The following RFTN1 variants were observed in gnomAD, a reference collection of about 807,000 sequenced individuals.
The protein encoded by RFTN1 is raftlin.
Under a neutral mutation model 46.5 loss-of-function variants are expected in RFTN1, and 26 were observed. The ratio of observed to expected loss-of-function variants is 0.56; its 90% CI spans 0.41 to 0.78. The LOEUF is 0.78. Among genes scored for constraint, RFTN1 ranks in the 30% least tolerant of loss-of-function variants. The probability of loss-of-function intolerance (pLI) is 0.00; values close to 1 mark genes in which losing one functional copy is unlikely to be tolerated. For synonymous variants in RFTN1, 261 were observed against 284.2 expected (o/e 0.92, Z 0.82); for missense variants, 693 against 718.7 (o/e 0.96, Z 0.41).
At chr3:16,444,117 G>A (rs1392841535) in intron 2 of RFTN1, among the ~76,000 whole-genome samples, 5 of 152,176 alleles carry the variant, frequency 3.3e-5, no homozygotes, top group Non-Finnish European at 7.3e-5. Context: ...AATCGGTAAC[G>A]AAACTCATCC....
intron 4 of RFTN1, among the ~76,000 whole-genome samples, chr3:16,401,364 CTAAAG>C (rs1012504590): frequency 6.6e-6 from 1 of 151,498 alleles, no homozygotes; most frequent in Non-Finnish European, 1.5e-5. Context: ...CTCAAATCTC[CTAAAG>C]TAAACTGCTC....
intron 8 of RFTN1, 42 bp downstream of exon 8, chr3:16,326,731 G>T: frequency 2.1e-6 from 3 of 1,430,514 alleles, no homozygotes; most frequent in East Asian, 2.3e-5. Context: ...CTAGCACAGA[G>T]TAAGTGTTCA....
intron 3 of RFTN1, among the ~76,000 whole-genome samples, chr3:16,423,567 A>G (rs748127305): frequency 6.6e-6 from 1 of 152,186 alleles, no homozygotes; most frequent in South Asian, 2.1e-4. Flanking sequence ...CATTTCCTTC[A>G]TCTTGGCTTA....
rs1483256067 is a variant in RFTN1 at position 16,409,424 on chromosome 3, G to A, written c.392C>T (p.Ser131Phe). The change falls in exon 4 of 10, where the codon TCC becomes TTC. Residue 131 changes from serine (S) to phenylalanine (F), a missense_variant. Physicochemically the swap from Ser to Phe is radical, Grantham distance 155. Coordinates refer to ENST00000334133, the MANE Select transcript of RFTN1 (RefSeq NM_015150.2). ...TTTCTGGTCTGTCGGGTGGTCTAAG[G>A]AGGAACAGCAATCTAATTCCAAGAT... is the stretch of plus-strand genomic sequence containing the variant. ...GYILELDCCS[S>F]LDHPTDQKLI... 19 of 1,613,750 alleles carry A rather than the reference G, an allele frequency of 1.2e-5. No homozygotes were observed. Among genetic ancestry groups the A allele is most frequent in the East Asian group, 1.1e-4 (5 of 44,880 alleles).
intron 4 of RFTN1, among the ~76,000 whole-genome samples, chr3:16,391,871 T>TTTTTTTTC (rs2074351987): frequency 6.2e-5 from 1 of 16,092 alleles, no homozygotes; most frequent in Non-Finnish European, 1.5e-4. Flanking sequence ...TTTTTTTTGT[T>TTTTTTTTC]TTTTTTTTTT....
intron 2 of RFTN1, among the ~76,000 whole-genome samples, chr3:16,454,110 T>A (rs1459851824): frequency 1.3e-5 from 2 of 152,344 alleles, no homozygotes; most frequent in South Asian, 4.1e-4. Flanking sequence ...GCTGCCACTG[T>A]AACCAGGTCT....
At position 16,459,902 on chromosome 3, in the gene RFTN1, T is replaced by C. The variant is rs1390127411; in HGVS notation, c.146-25865A>G. On this transcript the variant is annotated intron_variant, in intron 2 of 9. Transcript: ENST00000334133. The surrounding 1 kb of genome is among the most constrained non-coding windows in gnomAD (Gnocchi z 4.2). The stretch of plus-strand genomic sequence containing the variant: ...TCCTATAACTTTTAGTTATTTGACA[T>C]TTGCAAACTAAACTGGAAAACTAAG... Among the ~76,000 whole-genome samples, 3 of 152,200 alleles carry C rather than the reference T, an allele frequency of 2.0e-5. No homozygotes were observed. Among genetic ancestry groups the C allele is most frequent in the Non-Finnish European group, 4.4e-5 (3 of 68,042 alleles).
chr3:16,487,663 T>C (rs769697235), intron 2 of RFTN1, among the ~76,000 whole-genome samples: 2 of 152,212 alleles, frequency 1.3e-5, no homozygotes, highest in Non-Finnish European at 2.9e-5. Flanking sequence ...CCGGCCTCAT[T>C]ACACAGATTG....
chr3:16,318,657 A>G (rs1314273665), intron 9 of RFTN1, among the ~76,000 whole-genome samples: 1 of 152,228 alleles, frequency 6.6e-6, no homozygotes, highest in Non-Finnish European at 1.5e-5. Context: ...TGGTAATGGA[A>G]TGTTCCATTA....
In RFTN1 at chr3:16,466,274, G is replaced by A. The variant is rs968848911; in HGVS notation, c.145+27451C>T. ...CTTGCAAAGGAACAGGTACACATGA[G>A]GACTGCATTCCTATTCAGGGATTTA... On this transcript the variant is annotated intron_variant, in intron 2 of 9. Transcript: ENST00000334133. The surrounding 1 kb of genome is among the most constrained non-coding windows in gnomAD (Gnocchi z 5.6). Among the ~76,000 whole-genome samples, 3 of 152,074 alleles carry A rather than the reference G, an allele frequency of 2.0e-5. No individual in the cohort carries two copies. The highest frequency in any genetic ancestry group is 7.3e-5 in the African/African-American group (3 of 41,378).
chr3:16,354,084 T>G (rs1193638174), intron 7 of RFTN1, among the ~76,000 whole-genome samples: 3 of 152,198 alleles, frequency 2.0e-5, no homozygotes, highest in Non-Finnish European at 4.4e-5. Context: ...CCAAAAAGCC[T>G]TCAACCCAAT....
chr3:16,435,339 T>C (rs6442603), intron 2 of RFTN1, among the ~76,000 whole-genome samples: 43,115 of 152,032 alleles, frequency 0.28, 6,383 homozygotes, highest in African/African-American at 0.33. Context: ...GAGGCCAAGG[T>C]AGGCGGATCA....
chr3:16,491,906 T>A (rs1242426243), intron 2 of RFTN1, among the ~76,000 whole-genome samples: 1 of 152,024 alleles, frequency 6.6e-6, no homozygotes, highest in East Asian at 1.9e-4. Context: ...TTTTCCCTAA[T>A]CCTCCCGCAA....
In RFTN1 at chr3:16,387,596, C is replaced by G. The variant is rs1056203566; in HGVS notation, c.442-9494G>C. ...TCTCTCTCTCTCTCTCTCTCTCTCT[C>G]TCTCTCTCTCTCTCTACTGGCTCCT... On this transcript the variant is annotated intron_variant, in intron 4 of 9. Coordinates refer to ENST00000334133, the MANE Select transcript of RFTN1 (RefSeq NM_015150.2). This position sits in a 1 kb window ranked among gnomAD's most constrained non-coding sequence, Gnocchi z 5.2. Among the ~76,000 whole-genome samples the G allele has an allele frequency of 6.6e-6, 1 of 151,228 alleles. No homozygotes were observed. Among genetic ancestry groups the G allele is most frequent in the Admixed American group, 6.6e-5 (1 of 15,198 alleles).
At position 16,465,421 on chromosome 3, in the gene RFTN1, C is replaced by CACACAG. The variant is rs2076073394; in HGVS notation, c.145+28303_145+28304insCTGTGT. ...AACAGAGGTTGGCAGCTCAGAGGGA[C>CACACAG]ACACACACACACACACACACACACA... On this transcript the variant is annotated intron_variant, in intron 2 of 9. Coordinates refer to ENST00000334133, the MANE Select transcript of RFTN1 (RefSeq NM_015150.2). The surrounding 1 kb of genome is among the most constrained non-coding windows in gnomAD (Gnocchi z 5.1). Among the ~76,000 whole-genome samples, 2 of 122,510 alleles carry CACACAG rather than the reference C, an allele frequency of 1.6e-5. No homozygotes were observed. Among genetic ancestry groups the CACACAG allele is most frequent in the Non-Finnish European group, 3.2e-5 (2 of 62,522 alleles). The allele number at this position is 122,510 out of a possible 152,430, so 80.4% of individuals were successfully genotyped here.
rs1033060964 is a variant in RFTN1 at position 16,440,696 on chromosome 3, G to C, written c.146-6659C>G. ...AGATGGTTACTGCTAATGGGGGGGG[G>C]GCCCAATGGTGCCAGAACTTCTAAC... On this transcript the variant is annotated intron_variant, in intron 2 of 9. Transcript: ENST00000334133. The surrounding 1 kb of genome is among the most constrained non-coding windows in gnomAD (Gnocchi z 4.6). Among the ~76,000 whole-genome samples, 6 of 151,870 alleles carry C rather than the reference G, an allele frequency of 4.0e-5. No individual in the cohort carries two copies. Among genetic ancestry groups the C allele is most frequent in the East Asian group, 1.9e-4 (1 of 5,200 alleles).
At position 16,358,125 on chromosome 3, in the gene RFTN1, TTCCACTG is replaced by T. The variant is rs2072574911; in HGVS notation, c.1031-85_1031-79del. 1.0e-5 allele frequency: 8 copies of T among 770,104 alleles called. No individual in the cohort carries two copies. In the Admixed American group the frequency reaches 1.3e-4, roughly 13 times the overall value. The allele number at this position is 770,104 out of a possible 1,614,324, so 47.7% of individuals were successfully genotyped here. A position where few individuals can be genotyped will look rare whatever the true frequency, so the allele number is the denominator to read the frequency against. On this transcript the variant is annotated intron_variant, in intron 6 of 9. Transcript: ENST00000334133. ...CAGAAGTCTTCTAAGCAGCAAACAT[TTCCACTG>T]CATTCATTAATAATCCCAATCAGAA...
intron 7 of RFTN1, among the ~76,000 whole-genome samples, chr3:16,357,333 G>A (rs1016092635): frequency 6.6e-6 from 1 of 152,136 alleles, no homozygotes; most frequent in African/African-American, 2.4e-5. Flanking sequence ...CCAGCAGAAC[G>A]TGGTTTGAGG....
Position 16,327,342 on chromosome 3 carries a change from G to A in RFTN1, c.1147-466C>T, listed in dbSNP as rs951716790. On this transcript the variant is annotated intron_variant, in intron 7 of 9. Transcript: ENST00000334133. This position sits in a 1 kb window ranked among gnomAD's most constrained non-coding sequence, Gnocchi z 4.2. ...GCAACACACACATGCACATCCACAT[G>A]TGTGTGTACACGCAGAAGCTGCTTT... 6.6e-6 allele frequency among the ~76,000 whole-genome samples: 1 copy of A among 152,200 alleles called. No homozygotes were observed. The highest frequency in any genetic ancestry group is 1.5e-5 in the Non-Finnish European group (1 of 68,020).
Sources: gnomAD v4.1 joint callset for allele counts (sites outside exome capture counted in the v4.1 genomes callset) on GRCh38, gnomAD v4.1.1 for gene constraint, Gnocchi (gnomAD v3.1) non-coding constraint, MANE v1.5 for transcripts, NCBI Gene and HGNC (gene_info 2026-07-23, HGNC 2026-07-21) for gene names.